Variants in METTL3 observed in about 807,000 individuals in gnomAD.
METTL3 encodes the protein N(6)-adenosine-methyltransferase catalytic subunit METTL3.
In METTL3, 42 loss-of-function variants were observed where a neutral mutation model predicts 64.3. That is an observed-to-expected ratio of 0.65 (90% confidence interval 0.51 to 0.84). The LOEUF (loss-of-function observed/expected upper bound fraction) is 0.84. Ranked by LOEUF, METTL3 falls within the 40% of genes least tolerant of loss-of-function variation. The pLI, the probability that METTL3 is intolerant of heterozygous loss-of-function variation, is 0.00. For synonymous variants in METTL3, 256 were observed against 263.6 expected, an observed-to-expected ratio of 0.97 and a Z score of 0.28; for missense variants, 435 against 722.3, an observed-to-expected ratio of 0.60 and a Z score of 4.56.
rs545155498 is a variant in METTL3, at chr14:21,500,898, T to C, written c.1116+15A>G. 6.2e-7 allele frequency: 1 copy of C among 1,607,916 alleles called. No individual in the cohort carries two copies. The highest frequency in any genetic ancestry group is 8.5e-7 in the Non-Finnish European group (1 of 1,175,814). The stretch of plus-strand genomic sequence containing the variant: ...AGTCCGTAAGTTGAGACGAGTTTTC[T>C]GAGCAGACAGGTACCTGAGGTGGGA... On this transcript the variant is annotated intron_variant, in intron 5 of 10. Transcript: ENST00000298717.
At chr14:21,510,358 CT>C (rs1345840490) in intron 1 of METTL3, among the ~76,000 whole-genome samples, 1 of 151,938 alleles carries the variant, frequency 6.6e-6, no homozygotes, top group Admixed American at 6.6e-5. Context: ...GTTGAAGATA[CT>C]GACAAATATT....
At position 21,502,666 on chromosome 14, in the gene METTL3, C is replaced by T. The variant is rs187289973; in HGVS notation, c.723+507G>A. The T allele has an allele frequency of 1.4e-3, 213 of 156,154 alleles. No homozygotes were observed. In the Middle Eastern group the frequency reaches 0.017, roughly 12 times the overall value. The allele number at this position is 156,154 out of a possible 1,614,324, so 9.7% of individuals were successfully genotyped here. ...GTTAATTAACTTGTTCAAACTCACG[C>T]ACTAGAAGTACCAAACAGATAAGAA... On this transcript the variant is annotated intron_variant, in intron 3 of 10. Coordinates refer to ENST00000298717, the MANE Select transcript of METTL3 (RefSeq NM_019852.5).
chr14:21,506,499 A>C (rs1468778177), intron 1 of METTL3, among the ~76,000 whole-genome samples: 1 of 152,198 alleles, frequency 6.6e-6, no homozygotes, highest in Non-Finnish European at 1.5e-5. Context: ...GCTTGCAGTG[A>C]GCCGAGATCG....
At chr14:21,501,150 A>C in intron 4 of METTL3, 21 bp from the exon 5 acceptor site, 1 of 1,568,510 alleles carries the variant, frequency 6.4e-7, no homozygotes, top group Non-Finnish European at 8.8e-7. Flanking sequence ...AAAAAGGGAG[A>C]ATCAAGATGG....
rs1203832481 is a variant in METTL3 at position 21,498,219 on chromosome 14, G to A, written c.*39C>T. 3.4e-6 allele frequency: 4 copies of A among 1,173,008 alleles called. No homozygotes were observed. The highest frequency in any genetic ancestry group is 1.5e-5 in the African/African-American group (1 of 66,196). The allele number at this position is 1,173,008 out of a possible 1,614,324, so 72.7% of individuals were successfully genotyped here. A position where few individuals can be genotyped will look rare whatever the true frequency, so the allele number is the denominator to read the frequency against. ...TCACTCTTCAGGTTTAGCTTACAGA[G>A]CCATGGCTATGGATTCTTAGCTCTG... On this transcript the variant is annotated 3_prime_UTR_variant, in exon 11 of 11. Transcript: ENST00000298717.
At chr14:21,509,355 A>C (rs10450908) in intron 1 of METTL3, 33,143 of 152,040 alleles carry the variant, frequency 0.22, 4,382 homozygotes, top group Middle Eastern at 0.34. Flanking sequence ...AACTAACTAA[A>C]TAATTTTGCA....
In METTL3 at chr14:21,504,162, T is replaced by C. The variant is rs570807046; in HGVS notation, c.101-281A>G. ...GTGATACAAAGAAAGTAAATTAGCA[T>C]GATAGATTTAAATATCCCTACCACC... On this transcript the variant is annotated intron_variant, in intron 1 of 10. Transcript: ENST00000298717. 12 of 387,364 alleles carry C rather than the reference T, an allele frequency of 3.1e-5. 1 individual carries two copies. In the East Asian group the frequency reaches 3.3e-4, roughly 11 times the overall value. The allele number at this position is 387,364 out of a possible 1,614,324, so 24.0% of individuals were successfully genotyped here. A position where few individuals can be genotyped will look rare whatever the true frequency, so the allele number is the denominator to read the frequency against.
rs777524467 is a variant in METTL3 at position 21,503,553 on chromosome 14, C to A, written c.343G>T (p.Gly115Trp). ...AACTTCTGCAGGAGGCTTTCTACCCCATCTTGAGTGGCAGGAGCATCTGGC... is the reference window on the plus strand; with the variant it reads ...AACTTCTGCAGGAGGCTTTCTACCCAATCTTGAGTGGCAGGAGCATCTGGC... ...STPDAPATQDGVESLLQKFAA... is the reference protein window; with the variant it reads ...STPDAPATQDWVESLLQKFAA... The change falls in exon 3 of 11, where the codon GGG (glycine) becomes TGG (tryptophan). Residue 115 changes from glycine to tryptophan, a missense_variant. By Grantham distance (184) the Gly-to-Trp change is radical. Transcript: ENST00000298717. The A allele has an allele frequency of 3.1e-6, 5 of 1,612,654 alleles. No homozygotes were observed. The highest frequency in any genetic ancestry group is 4.2e-6 in the Non-Finnish European group (5 of 1,179,746).
chr14:21,500,878 G>GT (rs1405447765), intron 5 of METTL3, 35 bp downstream of exon 5: 12 of 1,589,684 alleles, frequency 7.5e-6, no homozygotes, highest in Non-Finnish European at 1.0e-5. Flanking sequence ...ACATAAGTCC[G>GT]TAAGTTGAGA....
At chr14:21,508,177 T>A (rs1169144150) in intron 1 of METTL3, 1 of 152,042 alleles carries the variant, frequency 6.6e-6, no homozygotes, top group East Asian at 1.9e-4. Flanking sequence ...GGCAGGAGGA[T>A]CACTTGAGCC....
chr14:21,510,976 T>C, intron 1 of METTL3, 148 bp downstream of exon 1: 1 of 878,150 alleles, frequency 1.1e-6, no homozygotes, highest in Non-Finnish European at 1.7e-6. Flanking sequence ...GGCGAACGTC[T>C]GCTGCTGAAG....
intron 1 of METTL3, among the ~76,000 whole-genome samples, chr14:21,506,941 T>C (rs889827303): frequency 1.3e-5 from 2 of 152,084 alleles, no homozygotes; most frequent in African/African-American, 4.8e-5. Flanking sequence ...CCACCACACC[T>C]GGCTAATTTT....
chr14:21,503,258 G>T lies in METTL3; in HGVS notation c.638C>A (p.Ser213Ter). The T allele has an allele frequency of 1.2e-6, 2 of 1,614,190 alleles. No homozygotes were observed. Among genetic ancestry groups the T allele is most frequent in the Non-Finnish European group, 1.7e-6 (2 of 1,180,028 alleles). Residue 213 changes from serine to a stop codon, truncating the protein, a stop_gained, in exon 3 of 11, where the codon TCA (serine) becomes TAA (stop). Coordinates refer to ENST00000298717, the MANE Select transcript of METTL3 (RefSeq NM_019852.5). LOFTEE classifies it high-confidence loss of function. ...SEPAKEPAKKSRKHAASDVDL... is the reference protein window; with the variant it reads ...SEPAKEPAKK Reference sequence around the variant, plus strand: ...AACATCTGAGGCAGCATGTTTCCTTGATTTCTTGGCTGGCTCCTTTGCTGG... The same window carrying T: ...AACATCTGAGGCAGCATGTTTCCTTTATTTCTTGGCTGGCTCCTTTGCTGG...
intron 1 of METTL3, among the ~76,000 whole-genome samples, chr14:21,506,882 T>C (rs534527319): frequency 1.7e-3 from 252 of 152,184 alleles, no homozygotes; most frequent in African/African-American, 5.7e-3. Flanking sequence ...ATACTAAAAA[T>C]TAGCCAGGCA....
rs1594441866 is a variant in METTL3, at chr14:21,503,649, C to CT, written c.318+14dup. 1.2e-6 allele frequency: 2 copies of CT among 1,614,096 alleles called. No individual in the cohort carries two copies. The highest frequency in any genetic ancestry group is 1.7e-6 in the Non-Finnish European group (2 of 1,179,924). The stretch of plus-strand genomic sequence containing the variant: ...TGAAAATAAGTGGTAAATCCTAACT[C>CT]TGTCAGGTCATTACCGTGGAGATGG... On this transcript the variant is annotated intron_variant, in intron 2 of 10. Transcript: ENST00000298717.
intron 1 of METTL3, chr14:21,508,358 A>C (rs1446919900): frequency 6.6e-6 from 1 of 152,126 alleles, no homozygotes; most frequent in Non-Finnish European, 1.5e-5. Context: ...AAAATAAATA[A>C]AAATAAAAAA....
intron 1 of METTL3, 124 bp from the exon 2 acceptor site, chr14:21,504,005 C>T: frequency 1.2e-6 from 1 of 803,034 alleles, no homozygotes; most frequent in South Asian, 1.8e-5. Context: ...AATTCTGTGA[C>T]CAACTTTAGC....
rs773182597 is a variant in METTL3 at position 21,501,054 on chromosome 14, G to A, written c.975C>T (p.Thr325=). The A allele has an allele frequency of 2.5e-6, 4 of 1,613,936 alleles. No individual in the cohort carries two copies. The change falls in exon 5 of 11, where the codon ACC becomes ACT. Residue 325 remains threonine (T), a synonymous_variant. Transcript: ENST00000298717. ...SFLNTCFHMD[T]CKYVHYEIDA... ...CAATTTCATAGTGAACATACTTGCA[G>A]GTATCCATGTGGAAACATGTATTAA...
chr14:21,503,816 G>A lies in METTL3; in HGVS notation c.166C>T (p.Pro56Ser). 2 of 1,614,236 alleles carry A rather than the reference G, an allele frequency of 1.2e-6. No homozygotes were observed. The highest frequency in any genetic ancestry group is 1.1e-5 in the South Asian group (1 of 91,088). ...CTGGGCTTAGGGCCACCAGAGGTGG[G>A]TGCAGTAGGCACTGGGCTGTCACTA... ...FRSDSPVPTA[P>S]TSGGPKPSTA... is the part of the protein sequence containing the mutation. Residue 56 changes from proline to serine, a missense_variant, in exon 2 of 11, where the codon CCC becomes TCC. Physicochemically the swap from Pro to Ser is moderately conservative, Grantham distance 74. This residue lies in a region of METTL3 where 228 missense variants were observed against 279.6 expected (regional missense o/e 0.82). Transcript: ENST00000298717.
Sources: gnomAD v4.1 joint callset for allele counts (sites outside exome capture counted in the v4.1 genomes callset) on GRCh38, gnomAD v4.1.1 for gene constraint, gnomAD v4.1.1 regional missense constraint, MANE v1.5 for transcripts, NCBI Gene and HGNC (gene_info 2026-07-23, HGNC 2026-07-21) for gene names.